Variants in XIAP observed in about 807,000 individuals in gnomAD.
XIAP encodes X-linked inhibitor of apoptosis.
XIAP carries 3 observed loss-of-function variants against 33.1 expected under a neutral mutation model. That is an observed-to-expected ratio of 0.09 (90% CI 0.04 to 0.23). XIAP has a LOEUF of 0.23. Ranked by LOEUF, XIAP falls within the 10% of genes least tolerant of loss-of-function variation. XIAP has a pLI of 1.00. For synonymous variants in XIAP, 98 were observed against 121.3 expected (o/e 0.81, Z 1.26); for missense variants, 264 against 363.0 (o/e 0.73, Z 2.22).
chrX:123,893,218 ATAAATT>A lies in XIAP; in HGVS notation c.1099+449_1099+454del, dbSNP rs766839798. Among the ~76,000 whole-genome samples, 10 of 110,337 alleles carry A rather than the reference ATAAATT, an allele frequency of 9.1e-5. No individual in the cohort carries two copies. The East Asian group carries it at 2.9e-3, about 32-fold the overall frequency. The stretch of plus-strand genomic sequence containing the variant: ...TATATTTATTTCAGATGACATTACT[ATAAATT>A]TAAGAATTTAGGCGGCCGGGCGTGG... On this transcript the variant is annotated intron_variant, in intron 5 of 6. Transcript: ENST00000371199.
chrX:123,893,100 A>G (rs977898338), intron 5 of XIAP, among the ~76,000 whole-genome samples: 9 of 109,618 alleles, frequency 8.2e-5, no homozygotes, highest in African/African-American at 3.0e-4. Context: ...GATTACAGGC[A>G]TGAGCCACCG....
In XIAP at chrX:123,908,538, C is replaced by T. The variant is rs765128570; in HGVS notation, c.*1357C>T. ...GCTTTCCATGTTGAGATTCTCATAT[C>T]ATCTTGTATCTTAAAGTTTCATGTG... is the stretch of plus-strand genomic sequence containing the variant. On this transcript the variant is annotated 3_prime_UTR_variant, in exon 7 of 7. Coordinates refer to ENST00000371199, the MANE Select transcript of XIAP (RefSeq NM_001167.4). 11 of 361,600 alleles carry T rather than the reference C, an allele frequency of 3.0e-5. No individual in the cohort carries two copies. Among genetic ancestry groups the T allele is most frequent in the Non-Finnish European group, 5.7e-5 (11 of 191,326 alleles). The allele number at this position is 361,600 out of a possible 1,213,427, so 29.8% of individuals were successfully genotyped here. A position where few individuals can be genotyped will look rare whatever the true frequency, so the allele number is the denominator to read the frequency against.
intron 6 of XIAP, among the ~76,000 whole-genome samples, chrX:123,905,294 G>A (rs776921132): frequency 3.6e-5 from 4 of 111,320 alleles, no homozygotes; most frequent in Non-Finnish European, 7.5e-5. Context: ...CTCAAATTCT[G>A]TGCCCAAGCT....
chrX:123,892,289 C>T (rs1159379904), intron 4 of XIAP, among the ~76,000 whole-genome samples: 1 of 111,082 alleles, frequency 9.0e-6, no homozygotes, highest in African/African-American at 3.3e-5. Flanking sequence ...ATTGCTTGAA[C>T]CTGGGAGGTG....
intron 3 of XIAP, among the ~76,000 whole-genome samples, chrX:123,890,896 G>A (rs187727911): frequency 2.3e-4 from 25 of 107,592 alleles, no homozygotes; most frequent in African/African-American, 6.8e-4. Context: ...AGCCAAGATC[G>A]TGCCACTGCA....
At chrX:123,888,220 A>G (rs1029465275) in intron 2 of XIAP, among the ~76,000 whole-genome samples, 2 of 110,652 alleles carry the variant, frequency 1.8e-5, no homozygotes, top group African/African-American at 6.5e-5. Flanking sequence ...CTGTAATCCC[A>G]GCTACTTGAG....
At chrX:123,891,410 G>A (rs2053406752) in intron 4 of XIAP, 94 bp downstream of exon 4, 1 of 424,628 alleles carries the variant, frequency 2.4e-6, no homozygotes, top group Non-Finnish European at 3.9e-6. Flanking sequence ...TTGTTTTATA[G>A]TTATTTCTTC....
At chrX:123,889,325 T>G (rs1478478165) in intron 3 of XIAP, among the ~76,000 whole-genome samples, 2 of 106,566 alleles carry the variant, frequency 1.9e-5, no homozygotes, top group African/African-American at 6.9e-5. Context: ...CTCCTGACCT[T>G]GTGATCCGCC....
intron 1 of XIAP, among the ~76,000 whole-genome samples, chrX:123,877,867 G>A (rs1332404323): frequency 2.7e-5 from 3 of 110,292 alleles, no homozygotes; most frequent in South Asian, 3.9e-4. Flanking sequence ...CCAGCTACTC[G>A]GGTGACTGAG....
chrX:123,912,977 C>A lies in XIAP; in HGVS notation c.*5796C>A. The A allele has an allele frequency of 3.3e-6, 1 of 298,535 alleles. No homozygotes were observed. The highest frequency in any genetic ancestry group is 6.4e-6 in the Non-Finnish European group (1 of 155,333). The allele number at this position is 298,535 out of a possible 1,213,427, so 24.6% of individuals were successfully genotyped here. On this transcript the variant is annotated 3_prime_UTR_variant, in exon 7 of 7. Coordinates refer to ENST00000371199, the MANE Select transcript of XIAP (RefSeq NM_001167.4). ...TGTATTTTTTAGTAGTGACTGGTTT[C>A]GCGGTGTTGACCAGGCTGGTCTCGA...
intron 1 of XIAP, among the ~76,000 whole-genome samples, chrX:123,862,084 ATTTT>A (rs897011525): frequency 9.3e-6 from 1 of 107,060 alleles, no homozygotes; most frequent in African/African-American, 3.4e-5. Context: ...TAATTAATTA[ATTTT>A]TTTTTTTGAG....
chrX:123,891,186 T>G, intron 3 of XIAP, 52 bp from the exon 4 acceptor site: 1 of 626,095 alleles, frequency 1.6e-6, no homozygotes, highest in South Asian at 2.5e-5. Context: ...ATATCTTTGC[T>G]TATACTTCAC....
chrX:123,903,628 T>G (rs2053534256), intron 6 of XIAP, among the ~76,000 whole-genome samples: 1 of 42,973 alleles, frequency 2.3e-5, no homozygotes, highest in African/African-American at 1.1e-4. Context: ...AGTTTTTTTT[T>G]TTGTTTTGTT....
At chrX:123,882,643 AAGTTTTTT>A (rs1315448842) in intron 1 of XIAP, among the ~76,000 whole-genome samples, 2 of 112,537 alleles carry the variant, frequency 1.8e-5, no homozygotes, top group Non-Finnish European at 3.7e-5. Context: ...AAGTTGCTGT[AAGTTTTTT>A]AGTCGACTTG....
At position 123,910,986 on chromosome X, in the gene XIAP, A is replaced by G; in HGVS notation, c.*3805A>G. On this transcript the variant is annotated 3_prime_UTR_variant, in exon 7 of 7. Transcript: ENST00000371199. ...TATTCATCTGTGAAAGGAAAATAATACTTATCTTACAAGGTTGCAAGAGCT... is the reference window on the plus strand; with the variant it reads ...TATTCATCTGTGAAAGGAAAATAATGCTTATCTTACAAGGTTGCAAGAGCT... 1 of 329,145 alleles carries G rather than the reference A, an allele frequency of 3.0e-6. No individual in the cohort carries two copies. Among genetic ancestry groups the G allele is most frequent in the Non-Finnish European group, 5.9e-6 (1 of 169,980 alleles). The allele number at this position is 329,145 out of a possible 1,213,427, so 27.1% of individuals were successfully genotyped here.
At chrX:123,900,252 C>T (rs1038640442) in intron 5 of XIAP, among the ~76,000 whole-genome samples, 1 of 111,984 alleles carries the variant, frequency 8.9e-6, no homozygotes, top group African/African-American at 3.2e-5. Context: ...TGCATCGTTT[C>T]AAACACTACA....
chrX:123,902,450 T>G (rs2053522564), intron 6 of XIAP, among the ~76,000 whole-genome samples: 1 of 111,866 alleles, frequency 8.9e-6, no homozygotes, highest in African/African-American at 3.2e-5. Context: ...ACTAAGAATC[T>G]TTTAATTTTA....
intron 6 of XIAP, among the ~76,000 whole-genome samples, chrX:123,903,133 G>C (rs1409193575): frequency 9.2e-6 from 1 of 108,945 alleles, no homozygotes; most frequent in Non-Finnish European, 1.9e-5. Flanking sequence ...AGATGATATG[G>C]TATCACAAAC....
At chrX:123,869,970 TTTTAA>T (rs1458386539) in intron 1 of XIAP, among the ~76,000 whole-genome samples, 1 of 112,640 alleles carries the variant, frequency 8.9e-6, no homozygotes, top group Non-Finnish European at 1.9e-5. Flanking sequence ...TGATTTTTTT[TTTTAA>T]TTGAGACGGA....
Sources: gnomAD v4.1 joint callset for allele counts (sites outside exome capture counted in the v4.1 genomes callset) on GRCh38, gnomAD v4.1.1 for gene constraint, MANE v1.5 for transcripts, NCBI Gene and HGNC (gene_info 2026-07-23, HGNC 2026-07-21) for gene names.